The following GRIN2B variants were observed in gnomAD, a reference collection of about 807,000 sequenced individuals.
The protein encoded by GRIN2B is glutamate ionotropic receptor NMDA type subunit 2B, also known as glutamate receptor ionotropic, NMDA 2B.
GRIN2B carries 5 observed loss-of-function variants against 114.5 expected under a neutral mutation model. That is an observed-to-expected ratio of 0.04 (90% CI 0.02 to 0.09). The LOEUF (loss-of-function observed/expected upper bound fraction) is 0.09, where lower values mean the gene tolerates loss of function less well. Among genes scored for constraint, GRIN2B ranks in the 10% least tolerant of loss-of-function variants. The probability of loss-of-function intolerance (pLI) is 1.00; values close to 1 mark genes in which losing one functional copy is unlikely to be tolerated. For missense variants in GRIN2B, 1,108 were observed against 1,943.5 expected (o/e 0.57, Z 8.08); for synonymous variants, 787 against 745.1 (o/e 1.06, Z -0.92).
chr12:13,567,635 C>T (rs985764225), intron 12 of GRIN2B, among the ~76,000 whole-genome samples: 4 of 152,032 alleles, frequency 2.6e-5, no homozygotes, highest in African/African-American at 9.7e-5. Flanking sequence ...CTGTGGATGG[C>T]ATGGCCAGTG....
At chr12:13,600,792 G>A (rs1488403142) in intron 10 of GRIN2B, among the ~76,000 whole-genome samples, 1 of 152,164 alleles carries the variant, frequency 6.6e-6, no homozygotes, top group Non-Finnish European at 1.5e-5. Flanking sequence ...AGGTAGTGGG[G>A]AAGTGTGCAC....
intron 4 of GRIN2B, among the ~76,000 whole-genome samples, chr12:13,708,773 C>A (rs1408639509): frequency 6.6e-6 from 1 of 152,070 alleles, no homozygotes. Context: ...TATCTTCTTG[C>A]AGTACTGTTC....
intron 5 of GRIN2B, among the ~76,000 whole-genome samples, chr12:13,622,250 C>A (rs1020403399): frequency 3.3e-5 from 5 of 152,180 alleles, no homozygotes; most frequent in Non-Finnish European, 7.4e-5. Flanking sequence ...GAAACACTTG[C>A]TGCTTATTTT....
chr12:13,574,878 G>A (rs1356250185), intron 10 of GRIN2B, among the ~76,000 whole-genome samples: 11 of 152,174 alleles, frequency 7.2e-5, no homozygotes, highest in South Asian at 4.1e-4. Context: ...TGGCATTAGC[G>A]TACAGTCAGA....
chr12:13,744,320 G>A (rs1863335807), intron 4 of GRIN2B, among the ~76,000 whole-genome samples: 1 of 152,186 alleles, frequency 6.6e-6, no homozygotes, highest in Admixed American at 6.5e-5. Flanking sequence ...ACATATAAAA[G>A]TGTTTTATCC....
chr12:13,758,099 T>C (rs868287343), intron 3 of GRIN2B, among the ~76,000 whole-genome samples: 1 of 152,160 alleles, frequency 6.6e-6, no homozygotes, highest in Non-Finnish European at 1.5e-5. Flanking sequence ...TGACTGGCTG[T>C]TACAGGTGTA....
At chr12:13,802,065 A>G (rs1864526750) in intron 3 of GRIN2B, among the ~76,000 whole-genome samples, 1 of 152,100 alleles carries the variant, frequency 6.6e-6, no homozygotes, top group Non-Finnish European at 1.5e-5. Context: ...AAAAAGAATA[A>G]CATATAATCC....
intron 5 of GRIN2B, among the ~76,000 whole-genome samples, chr12:13,655,713 C>T (rs1391876819): frequency 6.6e-6 from 1 of 152,156 alleles, no homozygotes; most frequent in African/African-American, 2.4e-5. Flanking sequence ...GACTCCATAG[C>T]AATGTTGTGA....
intron 4 of GRIN2B, among the ~76,000 whole-genome samples, chr12:13,726,155 G>A (rs1049570551): frequency 6.6e-6 from 1 of 152,048 alleles, no homozygotes; most frequent in South Asian, 2.1e-4. Flanking sequence ...TTTGTAAATT[G>A]TATATTCTTT....
At chr12:13,639,451 AC>A (rs1949693820) in intron 5 of GRIN2B, among the ~76,000 whole-genome samples, 1 of 152,116 alleles carries the variant, frequency 6.6e-6, no homozygotes, top group African/African-American at 2.4e-5. Flanking sequence ...ATACCCGAAG[AC>A]CATTAATAGG....
intron 2 of GRIN2B, among the ~76,000 whole-genome samples, chr12:13,969,878 A>G (rs192775437): frequency 2.0e-5 from 3 of 152,332 alleles, no homozygotes; most frequent in East Asian, 1.9e-4. Context: ...CCATGATCCC[A>G]TTTATTCCAG....
At chr12:13,649,143 T>C (rs1404577282) in intron 5 of GRIN2B, among the ~76,000 whole-genome samples, 1 of 152,014 alleles carries the variant, frequency 6.6e-6, no homozygotes, top group African/African-American at 2.4e-5. Context: ...CAGGGGTTGT[T>C]AGGAATAAGC....
chr12:13,938,454 T>A (rs1416581412), intron 2 of GRIN2B, among the ~76,000 whole-genome samples: 1 of 152,188 alleles, frequency 6.6e-6, no homozygotes, highest in Non-Finnish European at 1.5e-5. Flanking sequence ...AATGTAAATG[T>A]CCTTTGTAGG....
chr12:13,958,081 C>G (rs1867623536), intron 2 of GRIN2B, among the ~76,000 whole-genome samples: 1 of 152,110 alleles, frequency 6.6e-6, no homozygotes, highest in Admixed American at 6.5e-5. Context: ...TTGGACAGCG[C>G]TGGTCTCAAG....
intron 2 of GRIN2B, among the ~76,000 whole-genome samples, chr12:13,935,753 G>A (rs145771229): frequency 6.6e-6 from 1 of 152,312 alleles, no homozygotes; most frequent in East Asian, 1.9e-4. Context: ...ACAAAGATAA[G>A]TGGAAGCCTT....
chr12:13,948,484 T>A (rs1175947784), intron 2 of GRIN2B, among the ~76,000 whole-genome samples: 2 of 152,102 alleles, frequency 1.3e-5, no homozygotes, highest in Admixed American at 6.6e-5. Context: ...TTAGATTTTT[T>A]TATATATATC....
At chr12:13,693,093 A>G (rs1353171379) in intron 4 of GRIN2B, among the ~76,000 whole-genome samples, 1 of 152,046 alleles carries the variant, frequency 6.6e-6, no homozygotes, top group African/African-American at 2.4e-5. Flanking sequence ...GTATACATAT[A>G]GCTCACATTT....
chr12:13,739,971 G>A (rs1025624825), intron 4 of GRIN2B, among the ~76,000 whole-genome samples: 2 of 152,182 alleles, frequency 1.3e-5, no homozygotes, highest in Non-Finnish European at 2.9e-5. Flanking sequence ...GGGGACTCTG[G>A]TCTATTCCTA....
intron 5 of GRIN2B, among the ~76,000 whole-genome samples, chr12:13,652,559 G>A (rs954688191): frequency 4.6e-5 from 7 of 151,942 alleles, no homozygotes; most frequent in Non-Finnish European, 1.0e-4. Context: ...AGGAAGGTAT[G>A]GTAGATTCAA....
Sources: allele counts gnomAD v4.1 joint callset (sites outside exome capture counted in the v4.1 genomes callset), GRCh38; gene constraint gnomAD v4.1.1; transcripts MANE v1.5; gene names NCBI Gene and HGNC (gene_info 2026-07-23, HGNC 2026-07-21).